Variants in ADAMTS17 observed in about 807,000 individuals in gnomAD.
The protein encoded by ADAMTS17 is A disintegrin and metalloproteinase with thrombospondin motifs 17.
A neutral mutation model predicts 141.5 loss-of-function variants in ADAMTS17; 113 were observed. The ratio of observed to expected loss-of-function variants is 0.80; its 90% CI spans 0.69 to 0.93. The LOEUF is 0.93. ADAMTS17 is among the 40% of genes least tolerant of loss of function. ADAMTS17 has a pLI of 0.00. For missense variants in ADAMTS17, 1,659 were observed against 1,517.9 expected, an observed-to-expected ratio of 1.09 and a Z score of -1.54; for synonymous variants, 768 against 630.6, an observed-to-expected ratio of 1.22 and a Z score of -3.27.
At chr15:100,235,138 A>G (rs897003524) in intron 7 of ADAMTS17, among the ~76,000 whole-genome samples, 4 of 152,202 alleles carry the variant, frequency 2.6e-5, no homozygotes, top group Non-Finnish European at 5.9e-5. Flanking sequence ...GATAGGATGC[A>G]GGAGGTGCTC....
At chr15:100,295,099 T>C (rs1188409165) in intron 3 of ADAMTS17, among the ~76,000 whole-genome samples, 1 of 152,222 alleles carries the variant, frequency 6.6e-6, no homozygotes. Context: ...CATGTCCAAC[T>C]GTCTTGTGTC....
chr15:100,069,293 A>G (rs1445565331), intron 15 of ADAMTS17, among the ~76,000 whole-genome samples: 1 of 152,218 alleles, frequency 6.6e-6, no homozygotes, highest in African/African-American at 2.4e-5. Flanking sequence ...TGACGGGGAG[A>G]ATGGAGCCAA....
intron 18 of ADAMTS17, among the ~76,000 whole-genome samples, chr15:99,998,273 G>T (rs1251210165): frequency 6.6e-6 from 1 of 152,196 alleles, no homozygotes; most frequent in Non-Finnish European, 1.5e-5. Flanking sequence ...TGGGAAGACA[G>T]AGGCTGTTGA....
intron 7 of ADAMTS17, among the ~76,000 whole-genome samples, chr15:100,215,432 A>T (rs1445281658): frequency 6.6e-6 from 1 of 152,122 alleles, no homozygotes; most frequent in Non-Finnish European, 1.5e-5. Flanking sequence ...AAGGAACCTC[A>T]CTGCTAGCCT....
chr15:100,073,464 G>T (rs914382585), intron 15 of ADAMTS17, among the ~76,000 whole-genome samples: 1 of 152,030 alleles, frequency 6.6e-6, no homozygotes, highest in Admixed American at 6.5e-5. Flanking sequence ...ACATGCACAC[G>T]TATGTTTATT....
chr15:100,109,076 C>G lies in ADAMTS17; in HGVS notation c.1929G>C (p.Glu643Asp). The G allele has an allele frequency of 6.2e-7, 1 of 1,613,410 alleles. No individual in the cohort carries two copies. The highest frequency in any genetic ancestry group is 1.3e-5 in the African/African-American group (1 of 74,558). ...CELYCSPLGK[E>D]SPLLVADRVL... Reference sequence around the variant, plus strand: ...CCCTGTCGGCCACCAGCAGTGGGGACTCCTTCCCGAGGGGCGAGCAGTAGA... The same window carrying G: ...CCCTGTCGGCCACCAGCAGTGGGGAGTCCTTCCCGAGGGGCGAGCAGTAGA... Residue 643 changes from glutamate (E) to aspartate (D), a missense_variant, in exon 14 of 22, where the codon GAG (glutamate) becomes GAC (aspartate). Glu to Asp is a conservative substitution (Grantham distance 45, BLOSUM62 2). Coordinates refer to ENST00000268070, the MANE Select transcript of ADAMTS17 (RefSeq NM_139057.4).
At chr15:100,073,170 C>T (rs1054563136) in intron 15 of ADAMTS17, among the ~76,000 whole-genome samples, 9 of 152,132 alleles carry the variant, frequency 5.9e-5, no homozygotes, top group Admixed American at 2.0e-4. Context: ...AAATGCTCAC[C>T]ATCAGTGGCC....
intron 4 of ADAMTS17, among the ~76,000 whole-genome samples, chr15:100,273,745 T>G (rs1190759741): frequency 6.6e-6 from 1 of 152,182 alleles, no homozygotes; most frequent in African/African-American, 2.4e-5. Context: ...AAATAGCTTG[T>G]TCTTCTTCTA....
At chr15:100,305,444 AACG>A (rs2045190112) in intron 3 of ADAMTS17, among the ~76,000 whole-genome samples, 1 of 152,234 alleles carries the variant, frequency 6.6e-6, no homozygotes, top group Non-Finnish European at 1.5e-5. Flanking sequence ...CTCAAATTCC[AACG>A]ACAAGAGCGC....
intron 7 of ADAMTS17, among the ~76,000 whole-genome samples, chr15:100,215,698 C>CA (rs529751931): frequency 7.2e-4 from 109 of 152,226 alleles, no homozygotes; most frequent in African/African-American, 2.5e-3. Context: ...GGATGATGCA[C>CA]AAGGCCCCTG....
intron 3 of ADAMTS17, among the ~76,000 whole-genome samples, chr15:100,302,373 C>T (rs2141821243): frequency 6.6e-6 from 1 of 152,308 alleles, no homozygotes; most frequent in African/African-American, 2.4e-5. Context: ...TATGGACGTT[C>T]TTACTCAAGT....
chr15:100,186,620 T>C (rs1427470337), intron 8 of ADAMTS17, among the ~76,000 whole-genome samples: 1 of 152,204 alleles, frequency 6.6e-6, no homozygotes, highest in Non-Finnish European at 1.5e-5. Context: ...CTCTCTCAGG[T>C]AGACATTCCT....
At position 100,116,941 on chromosome 15, in the gene ADAMTS17, G is replaced by A. The variant is rs2037171879; in HGVS notation, c.1794C>T (p.Pro598=). ...EHAVCENLPC[P]KGLPSFRDQQ... ...GGTCCCGGAAGCTGGGCAGACCCTT[G>A]GGGCAGGGCAGGTTCTCGCAGACCG... Residue 598 remains proline, a synonymous_variant, in exon 13 of 22, where the codon CCC becomes CCT. Transcript: ENST00000268070. The A allele has an allele frequency of 6.2e-7, 1 of 1,614,130 alleles. No individual in the cohort carries two copies. The highest frequency in any genetic ancestry group is 1.1e-5 in the South Asian group (1 of 91,080).
chr15:100,296,240 C>G (rs969650759), intron 3 of ADAMTS17, among the ~76,000 whole-genome samples: 6 of 151,930 alleles, frequency 3.9e-5, no homozygotes, highest in African/African-American at 1.5e-4. Flanking sequence ...TTGCCAGGTC[C>G]AAGAAAACTG....
At chr15:100,018,592 G>C (rs1296774593) in intron 18 of ADAMTS17, among the ~76,000 whole-genome samples, 2 of 152,134 alleles carry the variant, frequency 1.3e-5, no homozygotes, top group East Asian at 3.8e-4. Flanking sequence ...CTTCTCTTTT[G>C]CCTTCTGCCA....
intron 8 of ADAMTS17, among the ~76,000 whole-genome samples, chr15:100,180,923 C>T (rs983296346): frequency 6.6e-6 from 1 of 152,198 alleles, no homozygotes; most frequent in African/African-American, 2.4e-5. Context: ...CCCTAGGCCC[C>T]AGGTGGATCC....
chr15:100,161,203 T>A (rs2039678285), intron 8 of ADAMTS17, among the ~76,000 whole-genome samples: 1 of 152,104 alleles, frequency 6.6e-6, no homozygotes, highest in Non-Finnish European at 1.5e-5. Context: ...GTGCGGCGAG[T>A]TCTGAGAGGA....
intron 21 of ADAMTS17, among the ~76,000 whole-genome samples, chr15:99,975,354 C>T (rs910800797): frequency 6.6e-6 from 1 of 152,166 alleles, no homozygotes; most frequent in African/African-American, 2.4e-5. Context: ...GGACTACAGG[C>T]ACACGCCACC....
chr15:100,080,361 G>C (rs2034650760), intron 15 of ADAMTS17, among the ~76,000 whole-genome samples: 1 of 152,190 alleles, frequency 6.6e-6, no homozygotes, highest in Non-Finnish European at 1.5e-5. Flanking sequence ...CTATCAAGAT[G>C]AAATCAGTCT....
Sources: gnomAD v4.1 joint callset for allele counts (sites outside exome capture counted in the v4.1 genomes callset) on GRCh38, gnomAD v4.1.1 for gene constraint, MANE v1.5 for transcripts, NCBI Gene and HGNC (gene_info 2026-07-23, HGNC 2026-07-21) for gene names.